TAFA1: variants seen among roughly 807,000 people sequenced by gnomAD.
TAFA1 encodes the protein chemokine-like protein TAFA-1.
In TAFA1, 4 loss-of-function variants were observed where a neutral mutation model predicts 18.5. The ratio of observed to expected loss-of-function variants is 0.22; its 90% confidence interval spans 0.11 to 0.49. TAFA1 has a LOEUF of 0.49. Among genes scored for constraint, TAFA1 ranks in the 20% least tolerant of loss-of-function variants. The pLI, the probability that TAFA1 is intolerant of heterozygous loss-of-function variation, is 0.98. For synonymous variants in TAFA1, 56 were observed against 55.2 expected (o/e 1.01, Z -0.06); for missense variants, 147 against 169.0 (o/e 0.87, Z 0.72).
intron 2 of TAFA1, among the ~76,000 whole-genome samples, chr3:68,226,842 GC>G (rs968515369): frequency 3.3e-5 from 5 of 152,138 alleles, no homozygotes; most frequent in African/African-American, 1.2e-4. Flanking sequence ...TGATGCCAGT[GC>G]TTTTTCTCCC....
chr3:68,383,264 G>A (rs929739759), intron 2 of TAFA1, among the ~76,000 whole-genome samples: 4 of 27,482 alleles, frequency 1.5e-4, no homozygotes, highest in African/African-American at 3.0e-4. Flanking sequence ...GTCTTTTGCG[G>A]GTTTTGAGGG....
At chr3:68,071,224 A>C (rs1277298585) in intron 2 of TAFA1, among the ~76,000 whole-genome samples, 1 of 152,264 alleles carries the variant, frequency 6.6e-6, no homozygotes, top group Non-Finnish European at 1.5e-5. Context: ...GGCAGAAGCC[A>C]AGGAGGAGGA....
chr3:68,431,484 G>T (rs1210346493), intron 3 of TAFA1, among the ~76,000 whole-genome samples: 1 of 151,950 alleles, frequency 6.6e-6, no homozygotes, highest in Non-Finnish European at 1.5e-5. Flanking sequence ...GGGTACTATT[G>T]TTATTATCCC....
intron 3 of TAFA1, among the ~76,000 whole-genome samples, chr3:68,535,454 A>G (rs1019435566): frequency 1.3e-5 from 2 of 152,068 alleles, no homozygotes; most frequent in African/African-American, 4.8e-5. Flanking sequence ...CTTCTATTCA[A>G]ACTCTGTTTT....
At chr3:68,400,357 G>A (rs926890256) in intron 2 of TAFA1, among the ~76,000 whole-genome samples, 1 of 152,174 alleles carries the variant, frequency 6.6e-6, no homozygotes, top group African/African-American at 2.4e-5. Context: ...AGATTCACCA[G>A]TTATAAAATA....
intron 2 of TAFA1, among the ~76,000 whole-genome samples, chr3:68,075,924 T>G (rs2064817678): frequency 6.6e-6 from 1 of 152,194 alleles, no homozygotes; most frequent in Non-Finnish European, 1.5e-5. Flanking sequence ...CTTGAACTCC[T>G]GGGCTCAAGC....
At chr3:68,360,497 A>G (rs1030638736) in intron 2 of TAFA1, among the ~76,000 whole-genome samples, 4 of 151,972 alleles carry the variant, frequency 2.6e-5, no homozygotes, top group Admixed American at 1.3e-4. Context: ...TGATGAGTAG[A>G]AGGAAAAGGG....
At chr3:68,507,312 G>A (rs2072775020) in intron 3 of TAFA1, among the ~76,000 whole-genome samples, 2 of 152,170 alleles carry the variant, frequency 1.3e-5, no homozygotes, top group South Asian at 2.1e-4. Flanking sequence ...GAACCATGAT[G>A]AGACAGGATA....
At chr3:68,094,612 A>T (rs747272279) in intron 2 of TAFA1, among the ~76,000 whole-genome samples, 1 of 152,186 alleles carries the variant, frequency 6.6e-6, no homozygotes, top group Admixed American at 6.5e-5. Context: ...ACAGTAGGGA[A>T]CAGACATACT....
intron 4 of TAFA1, among the ~76,000 whole-genome samples, chr3:68,542,231 G>A (rs1575966131): frequency 2.6e-5 from 4 of 152,114 alleles, no homozygotes; most frequent in African/African-American, 9.7e-5. Flanking sequence ...AATAAATCTG[G>A]CAACACACAC....
At chr3:68,175,581 C>T (rs548539237) in intron 2 of TAFA1, among the ~76,000 whole-genome samples, 66 of 152,272 alleles carry the variant, frequency 4.3e-4, no homozygotes, top group African/African-American at 6.3e-4. Flanking sequence ...CTCTTTGTTT[C>T]GGCCAATCTC....
intron 2 of TAFA1, among the ~76,000 whole-genome samples, chr3:68,108,606 A>G (rs895672690): frequency 6.6e-6 from 1 of 152,136 alleles, no homozygotes; most frequent in African/African-American, 2.4e-5. Context: ...AATCATTGCC[A>G]AACTAGACAG....
intron 2 of TAFA1, among the ~76,000 whole-genome samples, chr3:68,108,068 C>A (rs1415784671): frequency 6.6e-6 from 1 of 152,108 alleles, no homozygotes; most frequent in East Asian, 1.9e-4. Flanking sequence ...TGTTCTAATA[C>A]TTCTGACCAG....
chr3:68,168,144 CAAAA>C (rs10662237), intron 2 of TAFA1, among the ~76,000 whole-genome samples: 4 of 116,450 alleles, frequency 3.4e-5, no homozygotes, highest in East Asian at 2.6e-4. Context: ...TTTTCAGATA[CAAAA>C]AAAAAAAAAA....
chr3:68,042,849 A>G lies in TAFA1; in HGVS notation c.118+36105A>G, dbSNP rs893233360. ...AACCTTCAAGCACACATTAATTTTC[A>G]TTTTAATCACCATTTAAATTGTGCC... On this transcript the variant is annotated intron_variant, in intron 2 of 4. Transcript: ENST00000478136. 2.6e-5 allele frequency among the ~76,000 whole-genome samples: 4 copies of G among 152,094 alleles called. No individual in the cohort carries two copies. In the East Asian group the frequency reaches 7.7e-4, roughly 29 times the overall value.
chr3:68,381,430 G>A (rs920290014), intron 2 of TAFA1, among the ~76,000 whole-genome samples: 3 of 151,780 alleles, frequency 2.0e-5, no homozygotes, highest in Non-Finnish European at 4.4e-5. Context: ...TTTCTTTGTA[G>A]CCTCTTTTAT....
chr3:68,120,175 TTCTTTCTTTCTTTCTTTCTTTC>T (rs2065374696), intron 2 of TAFA1, among the ~76,000 whole-genome samples: 2 of 17,120 alleles, frequency 1.2e-4, no homozygotes, highest in Admixed American at 7.8e-4. Context: ...TTCTTTCTCT[TTCTTTCTTTCTTTCTTTCTTTC>T]TTTCTTTCTT....
intron 2 of TAFA1, among the ~76,000 whole-genome samples, chr3:68,135,368 C>A (rs1264863455): frequency 6.6e-6 from 1 of 152,186 alleles, no homozygotes; most frequent in South Asian, 2.1e-4. Context: ...TGTCCCAGGA[C>A]TCAGTGGTAG....
chr3:68,082,282 T>C (rs1439575909), intron 2 of TAFA1, among the ~76,000 whole-genome samples: 1 of 152,226 alleles, frequency 6.6e-6, no homozygotes, highest in Non-Finnish European at 1.5e-5. Context: ...TGTGCGTCGC[T>C]CACGCTGGGA....
Sources: allele counts gnomAD v4.1 joint callset (sites outside exome capture counted in the v4.1 genomes callset), GRCh38; gene constraint gnomAD v4.1.1; transcripts MANE v1.5; gene names NCBI Gene and HGNC (gene_info 2026-07-23, HGNC 2026-07-21).